Variants in WDR47 observed in about 807,000 individuals in gnomAD.
WDR47 encodes WD repeat-containing protein 47.
Under a neutral mutation model 97.2 loss-of-function variants are expected in WDR47, and 32 were observed. The observed-to-expected ratio is 0.33, with a 90% CI of 0.25 to 0.44. The LOEUF (loss-of-function observed/expected upper bound fraction) is 0.44. WDR47 is among the 20% of genes least tolerant of loss of function. WDR47 has a pLI of 1.00. For synonymous variants in WDR47, 375 were observed against 373.5 expected (o/e 1.00, Z -0.05); for missense variants, 782 against 1,102.3 (o/e 0.71, Z 4.11).
At chr1:109,029,879 A>C (rs1196790828) in intron 1 of WDR47, among the ~76,000 whole-genome samples, 1 of 150,578 alleles carries the variant, frequency 6.6e-6, no homozygotes, top group Non-Finnish European at 1.5e-5. Context: ...TCGTCTCAAA[A>C]AAAAAAAAAG....
chr1:109,028,743 G>GC, intron 1 of WDR47, among the ~76,000 whole-genome samples: 1 of 152,042 alleles, frequency 6.6e-6, no homozygotes, highest in Non-Finnish European at 1.5e-5. Flanking sequence ...GAGCCACCGT[G>GC]CCTGGCCTTA....
intron 13 of WDR47, among the ~76,000 whole-genome samples, chr1:108,976,182 T>C (rs1022235501): frequency 3.9e-5 from 6 of 152,104 alleles, no homozygotes; most frequent in South Asian, 2.1e-4. Context: ...AGTGGAAAGA[T>C]TGTAGAACAA....
intron 1 of WDR47, among the ~76,000 whole-genome samples, chr1:109,039,671 C>G (rs552943954): frequency 1.3e-5 from 2 of 151,654 alleles, no homozygotes; most frequent in Admixed American, 1.3e-4. Flanking sequence ...AGTCTCAAAA[C>G]TGAAGTATCC....
chr1:109,031,851 G>C (rs1401305511), intron 1 of WDR47, among the ~76,000 whole-genome samples: 1 of 116,030 alleles, frequency 8.6e-6, no homozygotes, highest in Admixed American at 1.1e-4. Flanking sequence ...CCAGGCTGAA[G>C]TGCAGTGGCA....
chr1:109,011,815 A>C (rs1661054082), intron 4 of WDR47, 97 bp from the exon 5 acceptor site: 1 of 1,127,678 alleles, frequency 8.9e-7, no homozygotes, highest in African/African-American at 1.6e-5. Flanking sequence ...ATATTGCCAC[A>C]GAATACTCAT....
rs759129762 is a variant in WDR47, at chr1:109,011,360, A to T, written c.686T>A (p.Ile229Asn). ...EITESEVLLG[I>N]DLLCGNGCDD... ...ACAACCATTACCACATAAGAGGTCG[A>T]TGCCAAGAAGCACTTCGCTTTCTGT... Residue 229 changes from isoleucine to asparagine, a missense_variant, in exon 5 of 15, where the codon ATC becomes AAC. Physicochemically the swap from Ile to Asn is moderately radical, Grantham distance 149 (BLOSUM62 -3). Transcript: ENST00000369962. The T allele has an allele frequency of 1.6e-5, 26 of 1,614,120 alleles. No individual in the cohort carries two copies. Among genetic ancestry groups the T allele is most frequent in the Non-Finnish European group, 1.9e-5 (23 of 1,180,052 alleles).
chr1:109,000,546 C>G (rs913262436), intron 7 of WDR47, among the ~76,000 whole-genome samples: 2 of 140,428 alleles, frequency 1.4e-5, no homozygotes, highest in African/African-American at 5.3e-5. Flanking sequence ...CGTGGTGGCT[C>G]ACACCTGTAA....
chr1:109,026,845 G>A (rs1662246463), intron 1 of WDR47, among the ~76,000 whole-genome samples: 1 of 152,050 alleles, frequency 6.6e-6, no homozygotes. Context: ...CAAGTTTAAT[G>A]TTGCAGTCAT....
At chr1:109,035,223 G>T (rs1396813571) in intron 1 of WDR47, among the ~76,000 whole-genome samples, 1 of 145,952 alleles carries the variant, frequency 6.9e-6, no homozygotes, top group African/African-American at 2.5e-5. Context: ...TCCAGCCTGG[G>T]CAAAAGAGTA....
Position 108,995,612 on chromosome 1 carries a change from A to C in WDR47, c.1659T>G (p.Pro553=). The change falls in exon 8 of 15, where the codon CCT becomes CCG. Residue 553 remains proline (P), a synonymous_variant. Transcript: ENST00000369962. ...TTCCACAAGGTGATTCCTCCAGAAA[A>C]GGTATGTGATTTGTTGATCCAGGAT... ...PRNPGSTNHI[P]FLEESPCGSQ... is the part of the protein sequence containing the mutation. 1 of 1,614,148 alleles carries C rather than the reference A, an allele frequency of 6.2e-7. No individual in the cohort carries two copies. Among genetic ancestry groups the C allele is most frequent in the Admixed American group, 1.7e-5 (1 of 60,018 alleles).
At chr1:108,973,093 C>T (rs1411788504) in intron 14 of WDR47, among the ~76,000 whole-genome samples, 1 of 152,076 alleles carries the variant, frequency 6.6e-6, no homozygotes, top group Non-Finnish European at 1.5e-5. Flanking sequence ...CATCTTTATA[C>T]TTGCTGTGCT....
chr1:109,040,473 G>A (rs1257970325), intron 1 of WDR47, among the ~76,000 whole-genome samples: 6 of 149,972 alleles, frequency 4.0e-5, no homozygotes, highest in Non-Finnish European at 7.4e-5. Flanking sequence ...AAAGAACCAG[G>A]AAGTGGACCA....
intron 5 of WDR47, among the ~76,000 whole-genome samples, chr1:109,007,563 A>G (rs1191597547): frequency 6.6e-6 from 1 of 152,206 alleles, no homozygotes; most frequent in Non-Finnish European, 1.5e-5. Flanking sequence ...CTCTCACAGC[A>G]TTTCATTAGT....
chr1:109,021,397 G>A (rs995933451), intron 2 of WDR47, among the ~76,000 whole-genome samples: 1 of 151,966 alleles, frequency 6.6e-6, no homozygotes, highest in East Asian at 1.9e-4. Context: ...ACGTGGTGGT[G>A]TGCACCTGTA....
At chr1:108,998,585 A>T (rs1396048014) in intron 7 of WDR47, among the ~76,000 whole-genome samples, 1 of 152,192 alleles carries the variant, frequency 6.6e-6, no homozygotes, top group East Asian at 1.9e-4. Context: ...TACGCCTATT[A>T]ATTGTCAAAT....
At chr1:109,005,258 T>A (rs937715707) in intron 5 of WDR47, among the ~76,000 whole-genome samples, 1 of 151,872 alleles carries the variant, frequency 6.6e-6, no homozygotes, top group Non-Finnish European at 1.5e-5. Context: ...TAAAATAAAA[T>A]AAAAAATTAT....
At chr1:109,008,386 C>T (rs1660786629) in intron 5 of WDR47, among the ~76,000 whole-genome samples, 4 of 151,672 alleles carry the variant, frequency 2.6e-5, no homozygotes, top group South Asian at 2.1e-4. Flanking sequence ...TCTCCTGCCT[C>T]GGCCTCCCAA....
At chr1:108,975,068 T>C (rs1482730642) in intron 13 of WDR47, among the ~76,000 whole-genome samples, 3 of 4,548 alleles carry the variant, frequency 6.6e-4, no homozygotes, top group African/African-American at 7.2e-4. Context: ...TCCAGTGTTT[T>C]CACTACTGGA....
chr1:108,994,712 T>C (rs1381835434), intron 8 of WDR47, among the ~76,000 whole-genome samples: 3 of 152,172 alleles, frequency 2.0e-5, no homozygotes, highest in South Asian at 4.1e-4. Context: ...TTTGAAACCA[T>C]GTATGTATAT....
Sources: allele counts gnomAD v4.1 joint callset (sites outside exome capture counted in the v4.1 genomes callset), GRCh38; gene constraint gnomAD v4.1.1; transcripts MANE v1.5; gene names NCBI Gene and HGNC (gene_info 2026-07-23, HGNC 2026-07-21).